Variants in AXIN1 observed in about 807,000 individuals in gnomAD.
AXIN1 encodes axin 1, also known as axin-1.
In AXIN1, 30 loss-of-function variants were observed where a neutral mutation model predicts 76.4. The ratio of observed to expected loss-of-function variants is 0.39; its 90% CI spans 0.29 to 0.53. The LOEUF (loss-of-function observed/expected upper bound fraction) is 0.53, where lower values mean the gene tolerates loss of function less well. AXIN1 is among the 20% of genes least tolerant of loss of function. AXIN1 has a pLI of 0.66. For synonymous variants in AXIN1, 545 were observed against 501.4 expected (o/e 1.09, Z -1.16); for missense variants, 1,140 against 1,198.8 (o/e 0.95, Z 0.72).
chr16:289,800 G>A (rs1175641313), intron 9 of AXIN1, 193 bp from the exon 10 acceptor site: 17 of 702,360 alleles, frequency 2.4e-5, no homozygotes, highest in South Asian at 7.1e-5. Context: ...CAGTGGAGTC[G>A]GCTCCGCTCA....
In AXIN1 at chr16:288,124, A is replaced by C. The variant is rs2052437568; in HGVS notation, c.2587T>G (p.Ter863GlyextTer1). Residue 863 changes from the stop codon to glycine, a stop_lost, in exon 11 of 11, where the codon TGA becomes GGA. Transcript: ENST00000262320. ...ACAGCGGCCAGCCCACCAGCCTATC[A>C]GTCCACCTTCTCCACTTTGCCGATG... ...KIIGKVEKVD[*>G] 1 of 1,613,376 alleles carries C rather than the reference A, an allele frequency of 6.2e-7. No homozygotes were observed. The highest frequency in any genetic ancestry group is 1.3e-5 in the African/African-American group (1 of 75,064).
intron 1 of AXIN1, among the ~76,000 whole-genome samples, chr16:350,189 T>C (rs2054114237): frequency 6.6e-6 from 1 of 152,248 alleles, no homozygotes. Flanking sequence ...AGAAGACTTT[T>C]TGGTGTCCCT....
At chr16:324,094 C>T (rs1225068425) in intron 2 of AXIN1, among the ~76,000 whole-genome samples, 2 of 152,166 alleles carry the variant, frequency 1.3e-5, no homozygotes, top group Non-Finnish European at 2.9e-5. Context: ...GCCCTGCAGC[C>T]CACAAGAGTC....
intron 8 of AXIN1, chr16:291,521 C>T (rs2052561157): frequency 5.0e-6 from 3 of 598,706 alleles, no homozygotes; most frequent in Non-Finnish European, 3.0e-6. Context: ...ATGATCCCGG[C>T]ACCAACCCCC....
intron 1 of AXIN1, among the ~76,000 whole-genome samples, chr16:352,020 G>A (rs1184155281): frequency 1.3e-5 from 2 of 152,058 alleles, no homozygotes; most frequent in Admixed American, 1.3e-4. Flanking sequence ...ACCCGGACCC[G>A]GCACGCGGCC....
rs530193193 is a variant in AXIN1, at chr16:304,815, G to A, written c.1117-374C>T. 6.1e-4 allele frequency among the ~76,000 whole-genome samples: 93 copies of A among 152,324 alleles called. 2 individuals carry two copies. The highest frequency in any genetic ancestry group is 1.2e-4 in the Non-Finnish European group (8 of 68,034). ...CTCCCAAAGTGCTGGGATTACAGGTGTGAGCCACCGGGCCCGGCCTTTGTT... is the reference window on the plus strand; with the variant it reads ...CTCCCAAAGTGCTGGGATTACAGGTATGAGCCACCGGGCCCGGCCTTTGTT... On this transcript the variant is annotated intron_variant, in intron 4 of 10. Transcript: ENST00000262320.
At chr16:327,948 C>CTA (rs1217252183) in intron 2 of AXIN1, among the ~76,000 whole-genome samples, 1 of 152,228 alleles carries the variant, frequency 6.6e-6, no homozygotes, top group African/African-American at 2.4e-5. Context: ...CTGTGAGACT[C>CTA]TAAACAAATG....
At chr16:335,838 T>C (rs957778587) in intron 2 of AXIN1, among the ~76,000 whole-genome samples, 5 of 152,230 alleles carry the variant, frequency 3.3e-5, no homozygotes, top group South Asian at 4.1e-4. Flanking sequence ...AAGCACTCTA[T>C]TGAGCTGAAG....
rs368553084 is a variant in AXIN1 at position 289,404 on chromosome 16, C to T, written c.2462+36G>A. 160 of 1,611,816 alleles carry T rather than the reference C, an allele frequency of 9.9e-5. No homozygotes were observed. In the African/African-American group the frequency reaches 1.4e-3, roughly 14 times the overall value. ...TCATACCGTTGGGCACCCACATACT[C>T]GTGCGGGGAGGGGGCACCCCAGCCC... On this transcript the variant is annotated intron_variant, in intron 10 of 10. Transcript: ENST00000262320.
chr16:338,665 A>G (rs181518997), intron 2 of AXIN1, among the ~76,000 whole-genome samples: 177 of 152,370 alleles, frequency 1.2e-3, no homozygotes, highest in African/African-American at 4.1e-3. Context: ...GCTCACGCCT[A>G]TAATTCCAGC....
chr16:349,081 G>A (rs999689688), intron 1 of AXIN1, among the ~76,000 whole-genome samples: 6 of 151,584 alleles, frequency 4.0e-5, no homozygotes, highest in South Asian at 2.1e-4. Context: ...CAGCTTGGGC[G>A]ACAGAGTGAG....
intron 4 of AXIN1, among the ~76,000 whole-genome samples, chr16:308,598 G>A (rs568980245): frequency 3.5e-4 from 53 of 152,346 alleles, no homozygotes; most frequent in South Asian, 8.3e-4. Context: ...CAGCGGCTCC[G>A]CGGGTTCTTG....
chr16:297,320 G>A, intron 6 of AXIN1, 94 bp from the exon 7 acceptor site: 1 of 1,543,434 alleles, frequency 6.5e-7, no homozygotes, highest in Non-Finnish European at 8.8e-7. Context: ...CATCTGTAAG[G>A]CTCCCGTGGT....
Position 307,473 on chromosome 16 carries a change from C to T in AXIN1, c.1116+2500G>A, listed in dbSNP as rs752357347. 3.9e-5 allele frequency among the ~76,000 whole-genome samples: 6 copies of T among 152,230 alleles called. No homozygotes were observed. In the East Asian group the frequency reaches 5.8e-4, roughly 15 times the overall value. ...TGAAGAGGCCCCTCCCCGCAGGGCA[C>T]GCATTCTGGTACCAGATGCTGTAAA... On this transcript the variant is annotated intron_variant, in intron 4 of 10. Coordinates refer to ENST00000262320, the MANE Select transcript of AXIN1 (RefSeq NM_003502.4).
At chr16:306,475 G>T (rs1027199170) in intron 4 of AXIN1, among the ~76,000 whole-genome samples, 1 of 152,200 alleles carries the variant, frequency 6.6e-6, no homozygotes, top group African/African-American at 2.4e-5. Context: ...GGGACCCTCC[G>T]TGTGTGTGGC....
At chr16:338,087 G>A (rs1002040700) in intron 2 of AXIN1, among the ~76,000 whole-genome samples, 2 of 152,194 alleles carry the variant, frequency 1.3e-5, no homozygotes, top group Admixed American at 6.5e-5. Context: ...GCCAACAGGC[G>A]GCCCTCTCTC....
rs566567860 is a variant in AXIN1, at chr16:302,484, C to A, written c.1254+1820G>T. On this transcript the variant is annotated intron_variant, in intron 5 of 10. Transcript: ENST00000262320. ...CCTTCATGGGGAGCTCCACCATCTGCAGCGACCACACCTGGTCCCCGCCAT... is the reference window on the plus strand; with the variant it reads ...CCTTCATGGGGAGCTCCACCATCTGAAGCGACCACACCTGGTCCCCGCCAT... Among the ~76,000 whole-genome samples the A allele has an allele frequency of 1.8e-3, 270 of 152,374 alleles. 3 individuals are homozygous for A. The highest frequency in any genetic ancestry group is 6.0e-3 in the African/African-American group (250 of 41,586).
intron 2 of AXIN1, among the ~76,000 whole-genome samples, chr16:341,638 A>C (rs997179977): frequency 6.6e-6 from 1 of 152,202 alleles, no homozygotes; most frequent in Non-Finnish European, 1.5e-5. Context: ...GGCGCACGGC[A>C]CGGGACTGGC....
intron 5 of AXIN1, chr16:299,018 C>G (rs1427754991): frequency 1.1e-6 from 1 of 932,354 alleles, no homozygotes; most frequent in Non-Finnish European, 1.3e-6. Flanking sequence ...CCACCCACCT[C>G]GGCCTCCCAA....
Sources: allele counts gnomAD v4.1 joint callset (sites outside exome capture counted in the v4.1 genomes callset), GRCh38; gene constraint gnomAD v4.1.1; transcripts MANE v1.5; gene names NCBI Gene and HGNC (gene_info 2026-07-23, HGNC 2026-07-21).